The following ZNF487 variants were observed in gnomAD, a reference collection of about 807,000 sequenced individuals.
ZNF487 encodes the protein KRAB domain only 1.
A neutral mutation model predicts 3.0 loss-of-function variants in ZNF487; 4 were observed. The observed-to-expected ratio is 1.35, with a 90% CI of 0.66 to 3.08. The LOEUF (loss-of-function observed/expected upper bound fraction) is 3.08, where lower values mean the gene tolerates loss of function less well. Ranked by LOEUF, ZNF487 falls within the 30% of genes most tolerant of loss-of-function variation. The pLI, the probability that ZNF487 is intolerant of heterozygous loss-of-function variation, is 0.01. For missense variants in ZNF487, 146 were observed against 98.7 expected (o/e 1.48, Z -2.03); for synonymous variants, 55 against 34.6 (o/e 1.59, Z -2.06).
the ZNF487 span, among the ~76,000 whole-genome samples, chr10:43,519,529 G>A: frequency 1.3e-5 from 2 of 149,332 alleles, no homozygotes; most frequent in African/African-American, 5.0e-5. Flanking sequence ...TTGCACTGGT[G>A]CGATCTTGGC....
the ZNF487 span, among the ~76,000 whole-genome samples, chr10:43,506,765 T>A: frequency 2.0e-5 from 3 of 152,184 alleles, no homozygotes; most frequent in African/African-American, 4.8e-5. Context: ...TACAAGTGAC[T>A]GATAAATGCT....
intron 1 of ZNF487, among the ~76,000 whole-genome samples, chr10:43,462,366 A>C (rs1441685986): frequency 1.3e-5 from 2 of 151,898 alleles, no homozygotes; most frequent in Admixed American, 6.6e-5. Context: ...TGTACTTTGC[A>C]GATATTGTGC....
chr10:43,436,939 A>C (rs1839405093), upstream of ZNF487: 1 of 466,412 alleles, frequency 2.1e-6, no homozygotes, highest in African/African-American at 2.0e-5. Context: ...GGCTGGGGTA[A>C]GAGTCCGGCC....
chr10:43,441,981 C>T (rs991581316), intron 1 of ZNF487, among the ~76,000 whole-genome samples: 13 of 152,046 alleles, frequency 8.6e-5, no homozygotes, highest in Non-Finnish European at 1.9e-4. Context: ...AATCTGAGTG[C>T]TTTGGGAGGT....
the ZNF487 span, among the ~76,000 whole-genome samples, chr10:43,508,261 A>G: frequency 2.6e-5 from 4 of 152,334 alleles, no homozygotes; most frequent in Admixed American, 2.6e-4. Context: ...AGAAATCTAT[A>G]AATATGAGCA....
rs1302248161 is a variant in ZNF487 at position 43,465,971 on chromosome 10, C to A, written c.-93-9750C>A. On this transcript the variant is annotated intron_variant, in intron 1 of 3. Transcript: ENST00000437590. Reference sequence around the variant, plus strand: ...GAGGCCGAGGCTGGGGGATCACTCGCAGTTAGGAGCTGGAGACCAGCCCGG... The same window carrying A: ...GAGGCCGAGGCTGGGGGATCACTCGAAGTTAGGAGCTGGAGACCAGCCCGG... 2.0e-5 allele frequency among the ~76,000 whole-genome samples: 3 copies of A among 152,342 alleles called. No homozygotes were observed. The East Asian group carries it at 5.8e-4, about 29-fold the overall frequency.
At chr10:43,485,838 A>G (rs571939810), downstream of ZNF487, among the ~76,000 whole-genome samples, 6 of 152,340 alleles carry the variant, frequency 3.9e-5, no homozygotes, top group African/African-American at 1.2e-4. Context: ...AATGTAGAGT[A>G]TCTGGAGGAA....
intron 1 of ZNF487, among the ~76,000 whole-genome samples, chr10:43,447,985 A>ATTTTTTTTTT (rs71016768): frequency 2.0e-5 from 2 of 100,150 alleles, no homozygotes; most frequent in Non-Finnish European, 1.8e-5. Flanking sequence ...CTTGGAAACC[A>ATTTTTTTTTT]TTTTTTTTTT....
the ZNF487 span, among the ~76,000 whole-genome samples, chr10:43,512,928 A>G: frequency 7.9e-5 from 12 of 152,236 alleles, no homozygotes; most frequent in Non-Finnish European, 1.3e-4. Flanking sequence ...TAGAAGGAAT[A>G]TCTCAACAGG....
the ZNF487 span, among the ~76,000 whole-genome samples, chr10:43,490,663 C>G: frequency 1.3e-5 from 2 of 149,862 alleles, no homozygotes; most frequent in Non-Finnish European, 3.0e-5. Flanking sequence ...GTGCCCGCCA[C>G]CACGCCTGGC....
the ZNF487 span, among the ~76,000 whole-genome samples, chr10:43,501,226 A>T: frequency 6.6e-6 from 1 of 152,152 alleles, no homozygotes; most frequent in Non-Finnish European, 1.5e-5. Flanking sequence ...AAAAAATGGT[A>T]TACCTGTATA....
intron 1 of ZNF487, among the ~76,000 whole-genome samples, chr10:43,457,283 C>T (rs541130020): frequency 1.3e-5 from 2 of 151,366 alleles, no homozygotes; most frequent in Non-Finnish European, 3.0e-5. Flanking sequence ...AAAACCCTAG[C>T]GCGGTGGCTA....
At chr10:43,503,996 A>G in the ZNF487 span, among the ~76,000 whole-genome samples, 1 of 152,312 alleles carries the variant, frequency 6.6e-6, no homozygotes, top group East Asian at 1.9e-4. Context: ...TGCCTACAGT[A>G]TTCAGTATAG....
chr10:43,467,865 T>G (rs1038097539), intron 1 of ZNF487, among the ~76,000 whole-genome samples: 1 of 151,650 alleles, frequency 6.6e-6, no homozygotes, highest in Non-Finnish European at 1.5e-5. Flanking sequence ...ATAGCTGGCA[T>G]GGATAGTGAT....
intron 1 of ZNF487, among the ~76,000 whole-genome samples, chr10:43,475,451 GT>G (rs1402397568): frequency 6.6e-6 from 1 of 151,678 alleles, no homozygotes; most frequent in Non-Finnish European, 1.5e-5. Context: ...AGTGGTCAAG[GT>G]TGCAGTGAGT....
At chr10:43,502,564 C>T in the ZNF487 span, among the ~76,000 whole-genome samples, 2 of 152,006 alleles carry the variant, frequency 1.3e-5, no homozygotes, top group African/African-American at 4.8e-5. Context: ...TCATTATTCA[C>T]GTTTGTGCTG....
chr10:43,482,667 T>C lies in ZNF487; in HGVS notation c.*745T>C. 1 of 482,408 alleles carries C rather than the reference T, an allele frequency of 2.1e-6. No homozygotes were observed. The highest frequency in any genetic ancestry group is 1.5e-5 in the South Asian group (1 of 65,290). The allele number at this position is 482,408 out of a possible 1,614,324, so 29.9% of individuals were successfully genotyped here. A position where few individuals can be genotyped will look rare whatever the true frequency, so the allele number is the denominator to read the frequency against. On this transcript the variant is annotated 3_prime_UTR_variant, in exon 4 of 4. Transcript: ENST00000437590. ...ACATACTGGCGAGAAACCCTATGAGTGTAAGGAATGTGGGAAAACTTTCTC... is the reference window on the plus strand; with the variant it reads ...ACATACTGGCGAGAAACCCTATGAGCGTAAGGAATGTGGGAAAACTTTCTC...
chr10:43,483,162 G>T lies in ZNF487; in HGVS notation c.*1240G>T. On this transcript the variant is annotated 3_prime_UTR_variant, in exon 4 of 4. Transcript: ENST00000437590. ...GGTTGGGGTGAGAACACCCAATAAAGATGAGAAATCTTTTGCCTAGAAGTG... is the reference window on the plus strand; with the variant it reads ...GGTTGGGGTGAGAACACCCAATAAATATGAGAAATCTTTTGCCTAGAAGTG... The T allele has an allele frequency of 2.3e-6, 1 of 441,626 alleles. No individual in the cohort carries two copies. Among genetic ancestry groups the T allele is most frequent in the Middle Eastern group, 3.4e-4 (1 of 2,984 alleles). The allele number at this position is 441,626 out of a possible 1,614,324, so 27.4% of individuals were successfully genotyped here. A position where few individuals can be genotyped will look rare whatever the true frequency, so the allele number is the denominator to read the frequency against.
At chr10:43,467,215 C>CT (rs1564423069) in intron 1 of ZNF487, among the ~76,000 whole-genome samples, 1 of 151,114 alleles carries the variant, frequency 6.6e-6, no homozygotes, top group Non-Finnish European at 1.5e-5. Flanking sequence ...TTTTATTTTT[C>CT]TTTTTTTGAG....
Sources: allele counts gnomAD v4.1 joint callset (sites outside exome capture counted in the v4.1 genomes callset), GRCh38; gene constraint gnomAD v4.1.1; transcripts MANE v1.5; gene names NCBI Gene and HGNC (gene_info 2026-07-23, HGNC 2026-07-21).